The following CDH12 variants were observed in gnomAD, a reference collection of about 807,000 sequenced individuals.
CDH12 encodes the protein cadherin 12.
In CDH12, 41 loss-of-function variants were observed where a neutral mutation model predicts 74.1. The ratio of observed to expected loss-of-function variants is 0.55; its 90% confidence interval spans 0.43 to 0.72. The LOEUF is 0.72. CDH12 is among the 30% of genes least tolerant of loss of function. The pLI, the probability that CDH12 is intolerant of heterozygous loss-of-function variation, is 0.00. For synonymous variants in CDH12, 399 were observed against 355.0 expected (o/e 1.12, Z -1.39); for missense variants, 945 against 977.2 (o/e 0.97, Z 0.44).
Position 21,755,641 on chromosome 5 carries a change from A to C in CDH12, c.1835T>G (p.Leu612Arg). The C allele has an allele frequency of 6.2e-7, 1 of 1,614,058 alleles. No homozygotes were observed. The highest frequency in any genetic ancestry group is 2.2e-5 in the East Asian group (1 of 44,862). The change falls in exon 14 of 15, where the codon CTT becomes CGT. Residue 612 changes from leucine to arginine, a missense_variant. Physicochemically the swap from Leu to Arg is moderately radical, Grantham distance 102. Coordinates refer to ENST00000382254, the MANE Select transcript of CDH12 (RefSeq NM_004061.5). ...AATTGCAATCAACGCCCCAGTGCTA[A>C]GTCCTACAGGTAGAAAAATTGCTTC... ...NVEAIFLPVG[L>R]STGALIAILL...
At chr5:21,843,627 G>C (rs532883541) in intron 7 of CDH12, among the ~76,000 whole-genome samples, 3 of 151,828 alleles carry the variant, frequency 2.0e-5, no homozygotes, top group African/African-American at 7.2e-5. Context: ...TGATTCTCCT[G>C]CATCAGCCTC....
chr5:22,596,990 C>A (rs1377026599), intron 1 of CDH12, among the ~76,000 whole-genome samples: 1 of 152,132 alleles, frequency 6.6e-6, no homozygotes, highest in African/African-American at 2.4e-5. Flanking sequence ...TCTATTTTTA[C>A]CAATTTCATT....
chr5:22,800,517 T>G (rs1581012669), intron 1 of CDH12, among the ~76,000 whole-genome samples: 2 of 151,876 alleles, frequency 1.3e-5, no homozygotes, highest in South Asian at 4.2e-4. Context: ...CCAAAAAGAG[T>G]GGTACATTTG....
intron 4 of CDH12, among the ~76,000 whole-genome samples, chr5:22,109,433 C>T (rs1212021607): frequency 1.3e-5 from 2 of 152,146 alleles, no homozygotes; most frequent in African/African-American, 4.8e-5. Context: ...TTTCACATCA[C>T]CTTATGGGAT....
intron 6 of CDH12, among the ~76,000 whole-genome samples, chr5:21,898,205 C>T (rs1753213484): frequency 6.6e-6 from 1 of 151,710 alleles, no homozygotes; most frequent in South Asian, 2.1e-4. Flanking sequence ...AATTTTTTTT[C>T]TGTTTTTCTT....
intron 6 of CDH12, among the ~76,000 whole-genome samples, chr5:21,890,832 A>T (rs1262085425): frequency 3.9e-5 from 6 of 152,252 alleles, no homozygotes; most frequent in Non-Finnish European, 2.9e-5. Context: ...TTGGGATAGT[A>T]AGTAGTACTA....
At chr5:22,151,408 T>A (rs185353387) in intron 4 of CDH12, among the ~76,000 whole-genome samples, 3 of 152,228 alleles carry the variant, frequency 2.0e-5, no homozygotes, top group African/African-American at 7.2e-5. Context: ...TGATAGTATT[T>A]ATAAATAATC....
At chr5:22,533,832 T>C (rs2126707963) in intron 1 of CDH12, among the ~76,000 whole-genome samples, 1 of 152,304 alleles carries the variant, frequency 6.6e-6, no homozygotes, top group African/African-American at 2.4e-5. Context: ...TTTAGGTGAT[T>C]GTTTAGAGTT....
intron 1 of CDH12, among the ~76,000 whole-genome samples, chr5:22,598,367 T>C (rs1008824351): frequency 1.3e-5 from 2 of 152,214 alleles, no homozygotes; most frequent in Non-Finnish European, 1.5e-5. Flanking sequence ...GCTGTTCTCC[T>C]GATAATAAGT....
intron 1 of CDH12, among the ~76,000 whole-genome samples, chr5:22,567,906 G>T (rs541054147): frequency 2.6e-5 from 4 of 152,212 alleles, no homozygotes; most frequent in East Asian, 3.9e-4. Flanking sequence ...TTTTGCCCTG[G>T]TCAATCCCAG....
chr5:22,803,543 C>A (rs1244766346), intron 1 of CDH12, among the ~76,000 whole-genome samples: 1 of 152,126 alleles, frequency 6.6e-6, no homozygotes, highest in Non-Finnish European at 1.5e-5. Flanking sequence ...CTGTTGGGAG[C>A]TTTTAAGCCT....
At position 22,781,939 on chromosome 5, in the gene CDH12, C is replaced by G. The variant is rs73070105; in HGVS notation, c.-523+71119G>C. 5.5e-3 allele frequency among the ~76,000 whole-genome samples: 830 copies of G among 152,250 alleles called. 9 individuals are homozygous for G. Among genetic ancestry groups the G allele is most frequent in the African/African-American group, 0.019 (787 of 41,566 alleles). ...ACTTTGGAACTTTAAGATTTAATGA[C>G]TGACTTTCTTGGTTTCCAGCTTACA... On this transcript the variant is annotated intron_variant, in intron 1 of 14. Coordinates refer to ENST00000382254, the MANE Select transcript of CDH12 (RefSeq NM_004061.5).
chr5:22,027,973 C>T (rs937370567), intron 5 of CDH12, among the ~76,000 whole-genome samples: 5 of 152,086 alleles, frequency 3.3e-5, no homozygotes, highest in African/African-American at 4.8e-5. Context: ...TTTCCCTCTA[C>T]ACACTGCTTT....
Position 22,767,897 on chromosome 5 carries a change from C to T in CDH12, c.-523+85161G>A, listed in dbSNP as rs553863836. On this transcript the variant is annotated intron_variant, in intron 1 of 14. Coordinates refer to ENST00000382254, the MANE Select transcript of CDH12 (RefSeq NM_004061.5). ...TAAAGGCAGCATTTCATTTTGATCT[C>T]ACATTTTCAATGCAGAACATAAGCA... 2.6e-5 allele frequency among the ~76,000 whole-genome samples: 4 copies of T among 152,022 alleles called. No homozygotes were observed. The South Asian group carries it at 8.3e-4, about 32-fold the overall frequency.
chr5:22,543,270 T>A (rs1738181655), intron 1 of CDH12, among the ~76,000 whole-genome samples: 1 of 152,100 alleles, frequency 6.6e-6, no homozygotes, highest in South Asian at 2.1e-4. Context: ...AATAAAAATA[T>A]AACAATTGTA....
rs937184034 is a variant in CDH12 at position 21,785,597 on chromosome 5, G to T, written c.1257-2103C>A. ...GGTTATAGAGAAACTTTAGCGGTCT[G>T]GATAGAAGATAAAGCCAGTCACAAC... On this transcript the variant is annotated intron_variant, in intron 10 of 14. Coordinates refer to ENST00000382254, the MANE Select transcript of CDH12 (RefSeq NM_004061.5). 3.9e-5 allele frequency among the ~76,000 whole-genome samples: 6 copies of T among 152,154 alleles called. No homozygotes were observed. The East Asian group carries it at 1.2e-3, about 29-fold the overall frequency.
At chr5:22,008,468 A>G (rs1737094756) in intron 5 of CDH12, among the ~76,000 whole-genome samples, 1 of 152,038 alleles carries the variant, frequency 6.6e-6, no homozygotes, top group African/African-American at 2.4e-5. Flanking sequence ...ACCTCAAGTG[A>G]TCCGCCCACC....
chr5:22,083,883 C>T (rs1191725021), intron 4 of CDH12, among the ~76,000 whole-genome samples: 1 of 152,146 alleles, frequency 6.6e-6, no homozygotes, highest in East Asian at 1.9e-4. Context: ...AGTTATTTTT[C>T]AAAACCTAAG....
In CDH12 at chr5:21,829,718, G is replaced by A. The variant is rs554962787; in HGVS notation, c.814+12443C>T. On this transcript the variant is annotated intron_variant, in intron 8 of 14. Transcript: ENST00000382254. ...TTCACATCTGTGACTAAAGATTGCC[G>A]CTGCTGTCAGAAATCTATGTATTAA... Among the ~76,000 whole-genome samples the A allele has an allele frequency of 4.6e-5, 7 of 152,260 alleles. No homozygotes were observed. The South Asian group carries it at 6.2e-4, about 14-fold the overall frequency.
Sources: gnomAD v4.1 joint callset for allele counts (sites outside exome capture counted in the v4.1 genomes callset) on GRCh38, gnomAD v4.1.1 for gene constraint, MANE v1.5 for transcripts, NCBI Gene and HGNC (gene_info 2026-07-23, HGNC 2026-07-21) for gene names.